The following ANK3 variants were observed in gnomAD, a reference collection of about 807,000 sequenced individuals.
ANK3 encodes the protein ankyrin-3.
In ANK3, 57 loss-of-function variants were observed where a neutral mutation model predicts 370.9. That is an observed-to-expected ratio of 0.15 (90% confidence interval 0.12 to 0.19). ANK3 has a LOEUF of 0.19. ANK3 is among the 10% of genes least tolerant of loss of function. The pLI, the probability that ANK3 is intolerant of heterozygous loss-of-function variation, is 1.00. For synonymous variants in ANK3, 1,929 were observed against 1,946.3 expected (o/e 0.99, Z 0.23); for missense variants, 4,439 against 5,302.1 (o/e 0.84, Z 5.06).
chr10:60,296,136 C>G (rs2042452574), intron 1 of ANK3, among the ~76,000 whole-genome samples: 1 of 152,192 alleles, frequency 6.6e-6, no homozygotes, highest in East Asian at 1.9e-4. Flanking sequence ...TCACTCTAAT[C>G]AGTACCTATT....
chr10:60,614,625 G>A (rs2078243647), intron 2 of ANK3, among the ~76,000 whole-genome samples: 1 of 152,192 alleles, frequency 6.6e-6, no homozygotes, highest in Non-Finnish European at 1.5e-5. Context: ...AAGGTAGCCT[G>A]CATAGCCCAC....
intron 7 of ANK3, among the ~76,000 whole-genome samples, chr10:60,244,081 T>A (rs532162613): frequency 1.3e-5 from 2 of 152,218 alleles, no homozygotes; most frequent in East Asian, 3.8e-4. Context: ...AAATGTGGAA[T>A]TGCTTGCTTA....
At chr10:60,431,787 T>G (rs1242181520) in intron 2 of ANK3, among the ~76,000 whole-genome samples, 1 of 152,104 alleles carries the variant, frequency 6.6e-6, no homozygotes, top group East Asian at 1.9e-4. Context: ...TCCCAGAACT[T>G]AAAGTATAAT....
intron 25 of ANK3, among the ~76,000 whole-genome samples, chr10:60,121,949 A>G (rs2093504447): frequency 6.6e-6 from 1 of 152,210 alleles, no homozygotes; most frequent in South Asian, 2.1e-4. Context: ...TTTAAAATAA[A>G]AATGATAAAC....
rs530204813 is a variant in ANK3 at position 60,579,052 on chromosome 10, C to T, written c.96+36134G>A. ...AGCTTAAAAGATTTTTCTGGCCGGG[C>T]GCAGTGGCTCACGCCTGTAATCCCA... On this transcript the variant is annotated intron_variant, in intron 2 of 43. Transcript: ENST00000373827. Among the ~76,000 whole-genome samples, 191 of 152,118 alleles carry T rather than the reference C, an allele frequency of 1.3e-3. 1 individual carries two copies. Among genetic ancestry groups the T allele is most frequent in the African/African-American group, 4.4e-3 (183 of 41,526 alleles).
chr10:60,412,920 A>G (rs973540054), intron 2 of ANK3, among the ~76,000 whole-genome samples: 4 of 152,190 alleles, frequency 2.6e-5, no homozygotes, highest in Non-Finnish European at 5.9e-5. Context: ...CCCACCCAGC[A>G]TGCTATCTGG....
At chr10:60,262,957 T>C (rs2097829033) in intron 6 of ANK3, among the ~76,000 whole-genome samples, 2 of 152,194 alleles carry the variant, frequency 1.3e-5, no homozygotes, top group Admixed American at 1.3e-4. Context: ...TACTGCTATC[T>C]TATCTGGCAC....
At chr10:60,185,789 A>C (rs756199909) in intron 17 of ANK3, among the ~76,000 whole-genome samples, 2 of 152,198 alleles carry the variant, frequency 1.3e-5, no homozygotes, top group Non-Finnish European at 2.9e-5. Context: ...GCAATTCAGC[A>C]AACCTAAATT....
intron 40 of ANK3, chr10:60,059,632 T>C: frequency 2.0e-6 from 3 of 1,522,130 alleles, no homozygotes; most frequent in Non-Finnish European, 2.7e-6. Flanking sequence ...CCTAGTTTTC[T>C]AGGCTCTGCT....
intron 1 of ANK3, among the ~76,000 whole-genome samples, chr10:60,306,697 TAA>T (rs1027680296): frequency 6.6e-6 from 1 of 152,158 alleles, no homozygotes; most frequent in Non-Finnish European, 1.5e-5. Flanking sequence ...ACCAGCAGTG[TAA>T]AAGTGTTGAA....
chr10:60,688,981 G>T (rs1294973417), intron 1 of ANK3, among the ~76,000 whole-genome samples: 1 of 151,892 alleles, frequency 6.6e-6, no homozygotes, highest in Admixed American at 6.6e-5. Context: ...GATAAAATCA[G>T]TATTTGAACC....
intron 1 of ANK3, among the ~76,000 whole-genome samples, chr10:60,298,637 C>T (rs927530474): frequency 9.9e-5 from 15 of 152,098 alleles, no homozygotes; most frequent in African/African-American, 3.4e-4. Context: ...ACAGCATGCC[C>T]ACCAAAACAG....
At chr10:60,513,858 T>A (rs1472180813) in intron 2 of ANK3, among the ~76,000 whole-genome samples, 2 of 152,170 alleles carry the variant, frequency 1.3e-5, no homozygotes, top group African/African-American at 4.8e-5. Flanking sequence ...CTGAGCAACA[T>A]GCGTTTGCAC....
chr10:60,362,766 G>C (rs904098914), intron 1 of ANK3, among the ~76,000 whole-genome samples: 4 of 152,120 alleles, frequency 2.6e-5, no homozygotes, highest in Non-Finnish European at 5.9e-5. Context: ...CCTTCACTGA[G>C]CACCATCTCT....
At chr10:60,650,832 C>T (rs76926859) in intron 1 of ANK3, among the ~76,000 whole-genome samples, 1,674 of 152,212 alleles carry the variant, frequency 0.011, 22 homozygotes, top group African/African-American at 0.037. Flanking sequence ...GCCTGTAATC[C>T]CAGTACTTTG....
At chr10:60,562,971 T>C (rs191244803) in intron 2 of ANK3, among the ~76,000 whole-genome samples, 35 of 152,292 alleles carry the variant, frequency 2.3e-4, no homozygotes, top group Admixed American at 7.8e-4. Flanking sequence ...CCCCAAAGTC[T>C]ATATCCTTTC....
intron 1 of ANK3, among the ~76,000 whole-genome samples, chr10:60,321,552 C>T (rs571964224): frequency 1.3e-5 from 2 of 152,202 alleles, no homozygotes; most frequent in Admixed American, 6.5e-5. Flanking sequence ...GGCTTACTCT[C>T]GCTAGGCATT....
intron 7 of ANK3, among the ~76,000 whole-genome samples, chr10:60,235,519 G>T (rs900988808): frequency 6.8e-6 from 1 of 147,842 alleles, no homozygotes; most frequent in Non-Finnish European, 1.5e-5. Context: ...GGAAATGTAC[G>T]CATACATCAA....
chr10:60,405,232 T>C lies in ANK3; in HGVS notation c.97-125593A>G, dbSNP rs181675397. 1.7e-3 allele frequency among the ~76,000 whole-genome samples: 263 copies of C among 152,290 alleles called. 4 individuals carry two copies. The highest frequency in any genetic ancestry group is 6.1e-3 in the African/African-American group (255 of 41,578). On this transcript the variant is annotated intron_variant, in intron 2 of 43. Transcript: ENST00000373827. ...AAAAACACTTCTATAAGAATGTTTATGGAAGCTTTATTTGGAACAAAAAAA... is the reference window on the plus strand; with the variant it reads ...AAAAACACTTCTATAAGAATGTTTACGGAAGCTTTATTTGGAACAAAAAAA...
Sources: allele counts gnomAD v4.1 joint callset (sites outside exome capture counted in the v4.1 genomes callset), GRCh38; gene constraint gnomAD v4.1.1; transcripts MANE v1.5; gene names NCBI Gene and HGNC (gene_info 2026-07-23, HGNC 2026-07-21).